Variants in IL13 observed in about 807,000 individuals in gnomAD.
The protein encoded by IL13 is interleukin-13.
IL13 carries 9 observed loss-of-function variants against 11.1 expected under a neutral mutation model. That is an observed-to-expected ratio of 0.81 (90% CI 0.49 to 1.42). The LOEUF (loss-of-function observed/expected upper bound fraction) is 1.42. Among genes scored for constraint, IL13 ranks in the 40% most tolerant of loss-of-function variants. IL13 has a pLI of 0.00. For synonymous variants in IL13, 75 were observed against 76.9 expected (o/e 0.97, Z 0.13); for missense variants, 181 against 182.5 (o/e 0.99, Z 0.05).
Position 132,659,192 on chromosome 5 carries a change from ATT to A in IL13, c.175-220_175-219del. 1 of 535,154 alleles carries A rather than the reference ATT, an allele frequency of 1.9e-6. No homozygotes were observed. The highest frequency in any genetic ancestry group is 3.4e-6 in the Non-Finnish European group (1 of 293,022). The allele number at this position is 535,154 out of a possible 1,614,324, so 33.2% of individuals were successfully genotyped here. On this transcript the variant is annotated intron_variant, in intron 1 of 3. Coordinates refer to ENST00000304506, the MANE Select transcript of IL13 (RefSeq NM_002188.3). The surrounding 1 kb of genome is among the most constrained non-coding windows in gnomAD (Gnocchi z 4.1). ...AGCTTGTCCCTTACTAGTGGTGTCA[ATT>A]TTTTTCTCTCAGCTCCAAGACCCTA...
chr5:132,659,565 C>A lies in IL13; in HGVS notation c.228+94C>A. 12 of 1,558,554 alleles carry A rather than the reference C, an allele frequency of 7.7e-6. No individual in the cohort carries two copies. Among genetic ancestry groups the A allele is most frequent in the Non-Finnish European group, 1.1e-5 (12 of 1,142,838 alleles). ...TCCCTTCCATGGCTGGGGTTCCAAG[C>A]AAGCTTCAAGTGCTCTCCTCCCTCC... On this transcript the variant is annotated intron_variant, in intron 2 of 3. Transcript: ENST00000304506. This position sits in a 1 kb window ranked among gnomAD's most constrained non-coding sequence, Gnocchi z 4.1.
Position 132,659,784 on chromosome 5 carries a change from C to T in IL13, c.289C>T (p.Gln97Ter). 1.2e-6 allele frequency: 2 copies of T among 1,613,956 alleles called. No homozygotes were observed. Among genetic ancestry groups the T allele is most frequent in the Non-Finnish European group, 1.7e-6 (2 of 1,180,024 alleles). ...AGGCTGCAGTGCCATCGAGAAGACC[C>T]AGAGGATGCTGAGCGGATTCTGCCC... ...VSGCSAIEKT[Q>*]RMLSGFCPHK... The change falls in exon 3 of 4, where the codon CAG becomes TAG. Residue 97 changes from glutamine (Q) to a stop codon, truncating the protein, a stop_gained. Transcript: ENST00000304506. LOFTEE classifies it high-confidence loss of function. This position sits in a 1 kb window ranked among gnomAD's most constrained non-coding sequence, Gnocchi z 4.1.
rs1025485578 is a variant in IL13, at chr5:132,659,489, C to T, written c.228+18C>T. 1.9e-6 allele frequency: 3 copies of T among 1,603,366 alleles called. No homozygotes were observed. In the African/African-American group the frequency reaches 4.0e-5, roughly 21 times the overall value. The stretch of plus-strand genomic sequence containing the variant: ...CTGGCATGGTAAGGACCTTTGGGTG[C>T]AGGGAGGATGGGGCAGAGGCTCCAG... On this transcript the variant is annotated intron_variant, in intron 2 of 3. Transcript: ENST00000304506. This position sits in a 1 kb window ranked among gnomAD's most constrained non-coding sequence, Gnocchi z 4.1.
At position 132,660,413 on chromosome 5, in the gene IL13, C is replaced by G; in HGVS notation, c.*131C>G. The G allele has an allele frequency of 7.1e-7, 1 of 1,403,560 alleles. No individual in the cohort carries two copies. The highest frequency in any genetic ancestry group is 9.4e-7 in the Non-Finnish European group (1 of 1,061,280). 86.9% of individuals were successfully genotyped at this position (1,403,560 alleles called of 1,614,324 possible). On this transcript the variant is annotated 3_prime_UTR_variant, in exon 4 of 4. Transcript: ENST00000304506. The stretch of plus-strand genomic sequence containing the variant: ...GTTAGGGAGGGGTAAAATTCCTTAG[C>G]TTAGACCTCAGCCTGTGCTGCCCGT...
Position 132,659,643 on chromosome 5 carries a change from A to G in IL13, c.229-81A>G. ...CCACCCAGACTCACCTGCGCCAGGCATCTCAGCCCCATCTTCCTGCAGACT... is the reference window on the plus strand; with the variant it reads ...CCACCCAGACTCACCTGCGCCAGGCGTCTCAGCCCCATCTTCCTGCAGACT... On this transcript the variant is annotated intron_variant, in intron 2 of 3. Coordinates refer to ENST00000304506, the MANE Select transcript of IL13 (RefSeq NM_002188.3). The surrounding 1 kb of genome is among the most constrained non-coding windows in gnomAD (Gnocchi z 4.1). The G allele has an allele frequency of 1.3e-6, 2 of 1,597,442 alleles. No homozygotes were observed. Among genetic ancestry groups the G allele is most frequent in the African/African-American group, 1.3e-5 (1 of 74,692 alleles).
At position 132,659,488 on chromosome 5, in the gene IL13, G is replaced by T; in HGVS notation, c.228+17G>T. ...GCTGGCATGGTAAGGACCTTTGGGTGCAGGGAGGATGGGGCAGAGGCTCCA... is the reference window on the plus strand; with the variant it reads ...GCTGGCATGGTAAGGACCTTTGGGTTCAGGGAGGATGGGGCAGAGGCTCCA... On this transcript the variant is annotated intron_variant, in intron 2 of 3. Transcript: ENST00000304506. This position sits in a 1 kb window ranked among gnomAD's most constrained non-coding sequence, Gnocchi z 4.1. 6.2e-7 allele frequency: 1 copy of T among 1,605,296 alleles called. No individual in the cohort carries two copies. Among genetic ancestry groups the T allele is most frequent in the South Asian group, 1.1e-5 (1 of 90,324 alleles).
chr5:132,659,825 TG>T lies in IL13; in HGVS notation c.333+1del. On this transcript the variant is annotated frameshift_variant and splice_region_variant, in exon 3 of 4. Coordinates refer to ENST00000304506, the MANE Select transcript of IL13 (RefSeq NM_002188.3). LOFTEE classifies it high-confidence loss of function. The surrounding 1 kb of genome is among the most constrained non-coding windows in gnomAD (Gnocchi z 4.1). ...GATTCTGCCCGCACAAGGTCTCAGC[TG>T]GGGTAAGGCATCCCCCACCCTCTCA... ...SGFCPHKVSA[G>X]QFSSLHVRDT... 1.2e-6 allele frequency: 2 copies of T among 1,613,464 alleles called. No homozygotes were observed. The highest frequency in any genetic ancestry group is 1.7e-6 in the Non-Finnish European group (2 of 1,179,948).
At position 132,658,195 on chromosome 5, in the gene IL13, GCTC is replaced by G. The variant is rs1384705663; in HGVS notation, c.13_15del (p.Leu5del). 2 of 1,601,252 alleles carry G rather than the reference GCTC, an allele frequency of 1.2e-6. No homozygotes were observed. The highest frequency in any genetic ancestry group is 1.1e-5 in the South Asian group (1 of 89,424). On this transcript the variant is annotated inframe_deletion, in exon 1 of 4. Transcript: ENST00000304506. ...CACAAGCCACCCAGCCTATGCATCC[GCTC>G]CTCAATCCTCTCCTGTTGGCACTGG...
upstream of IL13, among the ~76,000 whole-genome samples, chr5:132,657,408 T>G (rs949065584): frequency 6.6e-6 from 1 of 152,034 alleles, no homozygotes; most frequent in African/African-American, 2.4e-5. Flanking sequence ...TTCCAGCCAC[T>G]CTGGAAGCTG....
In IL13 at chr5:132,659,870, T is replaced by G. The variant is rs1234981597; in HGVS notation, c.333+42T>G. 6.3e-7 allele frequency: 1 copy of G among 1,595,792 alleles called. No individual in the cohort carries two copies. Among genetic ancestry groups the G allele is most frequent in the East Asian group, 2.3e-5 (1 of 44,080 alleles). ...CCTCTCACACCCACCCTGCACCCCC[T>G]CCTGCCAACCCTGGGCTCGCTGAAG... On this transcript the variant is annotated intron_variant, in intron 3 of 3. Transcript: ENST00000304506. This position sits in a 1 kb window ranked among gnomAD's most constrained non-coding sequence, Gnocchi z 4.1.
Position 132,659,464 on chromosome 5 carries a change from C to A in IL13, c.221C>A (p.Ala74Asp). ...ATGGTATGGAGCATCAACCTGACAG[C>A]TGGCATGGTAAGGACCTTTGGGTGC... ...GSMVWSINLT[A>D]GMYCAALESL... The change falls in exon 2 of 4, where the codon GCT (alanine) becomes GAT (aspartate). Residue 74 changes from alanine (A) to aspartate (D), a missense_variant. Transcript: ENST00000304506. This position sits in a 1 kb window ranked among gnomAD's most constrained non-coding sequence, Gnocchi z 4.1. 6.2e-7 allele frequency: 1 copy of A among 1,611,534 alleles called. No individual in the cohort carries two copies. Among genetic ancestry groups the A allele is most frequent in the Non-Finnish European group, 8.5e-7 (1 of 1,178,380 alleles).
chr5:132,659,267 A>T lies in IL13; in HGVS notation c.175-151A>T, dbSNP rs1221728630. Reference sequence around the variant, plus strand: ...GCCTGCTGTTCAAAGCAGAAAACGAAGCTCAGGAATGCTGAGGGGCTGCCA... The same window carrying T: ...GCCTGCTGTTCAAAGCAGAAAACGATGCTCAGGAATGCTGAGGGGCTGCCA... On this transcript the variant is annotated intron_variant, in intron 1 of 3. Transcript: ENST00000304506. The surrounding 1 kb of genome is among the most constrained non-coding windows in gnomAD (Gnocchi z 4.1). 2.1e-5 allele frequency: 14 copies of T among 665,224 alleles called. No homozygotes were observed. The highest frequency in any genetic ancestry group is 2.8e-5 in the Non-Finnish European group (10 of 359,130). 41.2% of individuals were successfully genotyped at this position (665,224 alleles called of 1,614,324 possible).
Position 132,660,950 on chromosome 5 carries a change from G to A in IL13, c.*668G>A, listed in dbSNP as rs1471226714. The A allele has an allele frequency of 6.6e-6, 1 of 152,560 alleles. No homozygotes were observed. Among genetic ancestry groups the A allele is most frequent in the Non-Finnish European group, 1.5e-5 (1 of 68,046 alleles). The allele number at this position is 152,560 out of a possible 1,614,324, so 9.5% of individuals were successfully genotyped here. On this transcript the variant is annotated 3_prime_UTR_variant, in exon 4 of 4. Coordinates refer to ENST00000304506, the MANE Select transcript of IL13 (RefSeq NM_002188.3). ...TCTGCCAGCCAGCAGCCAGCTCTCA[G>A]CCAACGAGTAATTTATTGTTTTTCC...
intron 1 of IL13, chr5:132,658,935 CAG>C (rs1202019784): frequency 5.5e-6 from 1 of 181,280 alleles, no homozygotes; most frequent in Non-Finnish European, 1.2e-5. Context: ...GGTTAAGTGA[CAG>C]AGGCTGGATT....
chr5:132,658,245 C>T lies in IL13; in HGVS notation c.59C>T (p.Thr20Ile). The T allele has an allele frequency of 6.2e-7, 1 of 1,610,656 alleles. No individual in the cohort carries two copies. The highest frequency in any genetic ancestry group is 1.3e-5 in the African/African-American group (1 of 74,964). The change falls in exon 1 of 4, where the codon ACC (threonine) becomes ATC (isoleucine). Residue 20 changes from threonine to isoleucine, a missense_variant. Coordinates refer to ENST00000304506, the MANE Select transcript of IL13 (RefSeq NM_002188.3). The part of the protein sequence containing the change: ...LALGLMALLL[T>I]TVIALTCLGG... ...CTGGGCCTCATGGCGCTTTTGTTGA[C>T]CACGGTCATTGCTCTCACTTGCCTT...
At position 132,659,419 on chromosome 5, in the gene IL13, C is replaced by T. The variant is rs138680496; in HGVS notation, c.176C>T (p.Ala59Val). Residue 59 changes from alanine to valine, a missense_variant and splice_region_variant, in exon 2 of 4, where the codon GCT becomes GTT. Transcript: ENST00000304506. This position sits in a 1 kb window ranked among gnomAD's most constrained non-coding sequence, Gnocchi z 4.1. ...CTCACTGTCACTTTGCTCCCACAGG[C>T]TCCGCTCTGCAATGGCAGCATGGTA... ...ELVNITQNQK[A>V]PLCNGSMVWS... 3.1e-6 allele frequency: 5 copies of T among 1,607,464 alleles called. No individual in the cohort carries two copies. In the East Asian group the frequency reaches 1.1e-4, roughly 36 times the overall value.
chr5:132,657,370 T>C (rs1752057387), upstream of IL13: 1 of 152,030 alleles, frequency 6.6e-6, no homozygotes, highest in South Asian at 2.1e-4. Context: ...ACACTTTAAA[T>C]TAAAGGGGCC....
Position 132,659,434 on chromosome 5 carries a change from G to A in IL13, c.191G>A (p.Gly64Asp). 1 of 1,611,274 alleles carries A rather than the reference G, an allele frequency of 6.2e-7. No individual in the cohort carries two copies. The highest frequency in any genetic ancestry group is 8.5e-7 in the Non-Finnish European group (1 of 1,178,592). Residue 64 changes from glycine to aspartate, a missense_variant, in exon 2 of 4, where the codon GGC (glycine) becomes GAC (aspartate). Coordinates refer to ENST00000304506, the MANE Select transcript of IL13 (RefSeq NM_002188.3). This position sits in a 1 kb window ranked among gnomAD's most constrained non-coding sequence, Gnocchi z 4.1. ...TQNQKAPLCNGSMVWSINLTA... is the reference protein window; with the variant it reads ...TQNQKAPLCNDSMVWSINLTA... ...CTCCCACAGGCTCCGCTCTGCAATG[G>A]CAGCATGGTATGGAGCATCAACCTG...
chr5:132,658,526 G>C (rs1277673912), intron 1 of IL13, 166 bp downstream of exon 1: 3 of 570,228 alleles, frequency 5.3e-6, no homozygotes, highest in Middle Eastern at 4.5e-4. Context: ...GAGCTGGGCT[G>C]GGGGGCTCAG....
Sources: allele counts gnomAD v4.1 joint callset (sites outside exome capture counted in the v4.1 genomes callset), GRCh38; gene constraint gnomAD v4.1.1; non-coding constraint Gnocchi (gnomAD v3.1); transcripts MANE v1.5; gene names NCBI Gene and HGNC (gene_info 2026-07-23, HGNC 2026-07-21).